Variants in LRMDA observed in about 807,000 individuals in gnomAD.
LRMDA encodes the protein leucine-rich melanocyte differentiation-associated protein.
In LRMDA, 18 loss-of-function variants were observed where a neutral mutation model predicts 29.8. That is an observed-to-expected ratio of 0.60 (90% CI 0.42 to 0.90). LRMDA has a LOEUF of 0.90. LRMDA is among the 40% of genes least tolerant of loss of function. The pLI is 0.00. For synonymous variants in LRMDA, 125 were observed against 109.4 expected (o/e 1.14, Z -0.89); for missense variants, 273 against 273.9 (o/e 1.00, Z 0.02).
chr10:75,741,077 C>T (rs1340255278), intron 2 of LRMDA, among the ~76,000 whole-genome samples: 1 of 152,200 alleles, frequency 6.6e-6, no homozygotes, highest in Non-Finnish European at 1.5e-5. Flanking sequence ...TGAAACAACA[C>T]TGTTTACTAG....
At chr10:76,142,532 G>T (rs1554850624) in intron 5 of LRMDA, among the ~76,000 whole-genome samples, 1 of 150,612 alleles carries the variant, frequency 6.6e-6, no homozygotes, top group Non-Finnish European at 1.5e-5. Context: ...TTTTTTTCTG[G>T]GATTTACTTT....
chr10:76,049,561 TCA>T (rs2132044024), intron 4 of LRMDA, among the ~76,000 whole-genome samples: 1 of 152,356 alleles, frequency 6.6e-6, no homozygotes, highest in East Asian at 1.9e-4. Flanking sequence ...TGATGAGTGC[TCA>T]CACTTGTATA....
chr10:76,011,837 G>A (rs1847787441), intron 2 of LRMDA, among the ~76,000 whole-genome samples: 4 of 152,154 alleles, frequency 2.6e-5, no homozygotes, highest in Admixed American at 2.6e-4. Context: ...TTACTCTGAG[G>A]GGAGATGCAT....
At chr10:76,341,361 A>T (rs1841039190) in intron 6 of LRMDA, among the ~76,000 whole-genome samples, 1 of 152,216 alleles carries the variant, frequency 6.6e-6, no homozygotes, top group South Asian at 2.1e-4. Flanking sequence ...CACCTGTCTC[A>T]TTTACTGACA....
At chr10:75,637,735 G>A (rs552136790) in intron 2 of LRMDA, among the ~76,000 whole-genome samples, 1 of 152,188 alleles carries the variant, frequency 6.6e-6, no homozygotes, top group Non-Finnish European at 1.5e-5. Flanking sequence ...TCTGTCACAC[G>A]TTGATTTCTG....
At chr10:76,466,598 C>A (rs974219295) in intron 6 of LRMDA, among the ~76,000 whole-genome samples, 1 of 152,066 alleles carries the variant, frequency 6.6e-6, no homozygotes, top group Non-Finnish European at 1.5e-5. Flanking sequence ...GAGTTTGAGA[C>A]CAGCCTGGGC....
chr10:75,758,924 C>T (rs1843063697), intron 2 of LRMDA, among the ~76,000 whole-genome samples: 1 of 151,554 alleles, frequency 6.6e-6, no homozygotes, highest in Admixed American at 6.6e-5. Context: ...AGGGGTGGGA[C>T]ATAGAACCAC....
At chr10:75,451,475 G>C (rs368998644) in intron 2 of LRMDA, 1 of 152,176 alleles carries the variant, frequency 6.6e-6, no homozygotes, top group South Asian at 2.1e-4. Flanking sequence ...ACTGGAGTTA[G>C]TAATTAACAT....
chr10:76,102,277 C>A (rs1369935191), intron 5 of LRMDA, among the ~76,000 whole-genome samples: 3 of 152,008 alleles, frequency 2.0e-5, no homozygotes. Context: ...TTTAGATGTG[C>A]AGGTTTTTTA....
At chr10:75,621,461 G>A (rs946247628) in intron 2 of LRMDA, among the ~76,000 whole-genome samples, 4 of 152,180 alleles carry the variant, frequency 2.6e-5, no homozygotes, top group African/African-American at 7.2e-5. Flanking sequence ...AAAATATTCT[G>A]TTGGTGGATT....
chr10:76,435,392 G>A (rs1842235241), intron 6 of LRMDA, among the ~76,000 whole-genome samples: 1 of 152,172 alleles, frequency 6.6e-6, no homozygotes, highest in South Asian at 2.1e-4. Context: ...CAGGCCACTA[G>A]AGGCTGATGC....
intron 6 of LRMDA, among the ~76,000 whole-genome samples, chr10:76,365,107 T>TATATATATATATACACACACAC (rs141131236): frequency 4.9e-5 from 3 of 61,202 alleles, no homozygotes; most frequent in South Asian, 4.2e-4. Context: ...TATATATATA[T>TATATATATATATACACACACAC]ACACACACAC....
intron 5 of LRMDA, among the ~76,000 whole-genome samples, chr10:76,295,622 C>T (rs1840402064): frequency 6.6e-6 from 1 of 152,202 alleles, no homozygotes; most frequent in Non-Finnish European, 1.5e-5. Flanking sequence ...CATGCACTGG[C>T]TGATTCTAGC....
At chr10:75,884,519 A>G (rs1197548395) in intron 2 of LRMDA, among the ~76,000 whole-genome samples, 2 of 152,182 alleles carry the variant, frequency 1.3e-5, no homozygotes, top group Non-Finnish European at 2.9e-5. Flanking sequence ...ATGGAGAACT[A>G]AGAAGAAGAT....
At chr10:76,064,612 C>A (rs749587695) in intron 5 of LRMDA, among the ~76,000 whole-genome samples, 2 of 152,134 alleles carry the variant, frequency 1.3e-5, no homozygotes, top group Non-Finnish European at 2.9e-5. Flanking sequence ...AACTACACTG[C>A]GTATGTCTTT....
chr10:76,474,339 T>C (rs1204066024), intron 6 of LRMDA, among the ~76,000 whole-genome samples: 3 of 151,574 alleles, frequency 2.0e-5, no homozygotes, highest in Non-Finnish European at 3.0e-5. Flanking sequence ...TTAAATATGA[T>C]ATCAAAATCA....
In LRMDA at chr10:75,687,797, G is replaced by C. The variant is rs531783766; in HGVS notation, c.131+249303G>C. ...GAGGACAGGCTGATTCTCTTTTTAG[G>C]GGGTACTGCAGCTGGCAACTTGAAG... On this transcript the variant is annotated intron_variant, in intron 2 of 6. Coordinates refer to ENST00000611255, the MANE Select transcript of LRMDA (RefSeq NM_001305581.2). Among the ~76,000 whole-genome samples the C allele has an allele frequency of 1.1e-4, 17 of 152,238 alleles. No individual in the cohort carries two copies. The South Asian group carries it at 3.1e-3, about 28-fold the overall frequency.
intron 2 of LRMDA, among the ~76,000 whole-genome samples, chr10:75,738,121 C>T (rs900206490): frequency 2.0e-5 from 3 of 152,188 alleles, no homozygotes; most frequent in African/African-American, 7.2e-5. Flanking sequence ...CTTCCCCCAT[C>T]CAAGTGTCCC....
At chr10:75,539,509 C>T (rs2132047830) in intron 2 of LRMDA, among the ~76,000 whole-genome samples, 1 of 152,274 alleles carries the variant, frequency 6.6e-6, no homozygotes, top group Non-Finnish European at 1.5e-5. Context: ...CTTTCCTTTG[C>T]ACATTATAAG....
Sources: allele counts gnomAD v4.1 joint callset (sites outside exome capture counted in the v4.1 genomes callset), GRCh38; gene constraint gnomAD v4.1.1; transcripts MANE v1.5; gene names NCBI Gene and HGNC (gene_info 2026-07-23, HGNC 2026-07-21).